CFAP47: variants seen among roughly 807,000 people sequenced by gnomAD.
CFAP47 encodes cilia and flagella associated protein 47, also known as cilia- and flagella-associated protein 47.
In CFAP47, 29 loss-of-function variants were observed where a neutral mutation model predicts 148.1. The observed-to-expected ratio is 0.20, with a 90% CI of 0.15 to 0.27. CFAP47 has a LOEUF of 0.27. Ranked by LOEUF, CFAP47 falls within the 10% of genes least tolerant of loss-of-function variation. The pLI is 1.00. For missense variants in CFAP47, 1,872 were observed against 1,697.5 expected, an observed-to-expected ratio of 1.10 and a Z score of -1.81; for synonymous variants, 664 against 577.3, an observed-to-expected ratio of 1.15 and a Z score of -2.15.
At chrX:36,269,207 A>G (rs988956104) in intron 49 of CFAP47, among the ~76,000 whole-genome samples, 4 of 112,259 alleles carry the variant, frequency 3.6e-5, no homozygotes, top group African/African-American at 1.3e-4. Context: ...GTTACACTAA[A>G]GTGAAAGAAA....
intron 29 of CFAP47, among the ~76,000 whole-genome samples, chrX:36,075,515 T>C (rs1447382024): frequency 8.9e-6 from 1 of 112,246 alleles, no homozygotes; most frequent in Non-Finnish European, 1.9e-5. Flanking sequence ...CATGAGCCAC[T>C]GCGCCCAGCC....
intron 45 of CFAP47, among the ~76,000 whole-genome samples, chrX:36,210,437 G>T (rs1415907006): frequency 8.9e-6 from 1 of 111,931 alleles, no homozygotes; most frequent in African/African-American, 3.2e-5. Context: ...GTTTTCATTG[G>T]CATTTTCCTG....
chrX:36,101,192 G>A (rs1173915367), intron 32 of CFAP47, among the ~76,000 whole-genome samples: 1 of 112,174 alleles, frequency 8.9e-6, no homozygotes, highest in African/African-American at 3.2e-5. Context: ...GGCCTACTCT[G>A]CTTCACCAGA....
intron 32 of CFAP47, among the ~76,000 whole-genome samples, chrX:36,101,174 T>C (rs1938369939): frequency 8.9e-6 from 1 of 112,157 alleles, no homozygotes; most frequent in African/African-American, 3.2e-5. Flanking sequence ...GCACTGTTAG[T>C]CATATAGGGC....
intron 48 of CFAP47, among the ~76,000 whole-genome samples, chrX:36,248,496 T>TCACACACACACACACACACACA (rs60595897): frequency 2.1e-5 from 2 of 95,475 alleles, no homozygotes; most frequent in African/African-American, 7.8e-5. Flanking sequence ...ACATATTATA[T>TCACACACACACACACACACACA]CACACACACA....
intron 48 of CFAP47, among the ~76,000 whole-genome samples, chrX:36,238,022 A>AT (rs1402381103): frequency 1.8e-5 from 2 of 110,577 alleles, no homozygotes; most frequent in East Asian, 5.7e-4. Context: ...TCCTTTGCCC[A>AT]TTTTTTTATA....
At chrX:36,246,548 G>A (rs782693463) in intron 48 of CFAP47, among the ~76,000 whole-genome samples, 18 of 111,567 alleles carry the variant, frequency 1.6e-4, no homozygotes, top group African/African-American at 5.9e-4. Flanking sequence ...AATGCCAGAT[G>A]CTTGTAAAAC....
Position 35,966,766 on chromosome X carries a change from T to C in CFAP47, c.1600+12T>C. On this transcript the variant is annotated intron_variant, in intron 9 of 63. Transcript: ENST00000378653. ...GAAATTTGATCCTGGTATGCTATTG[T>C]GTAGTGCCCACCTGGCTTTGTTGTT... is the stretch of plus-strand genomic sequence containing the variant. The C allele has an allele frequency of 9.5e-7, 1 of 1,053,122 alleles. No individual in the cohort carries two copies. Among genetic ancestry groups the C allele is most frequent in the Non-Finnish European group, 1.2e-6 (1 of 800,565 alleles). The allele number at this position is 1,053,122 out of a possible 1,213,427, so 86.8% of individuals were successfully genotyped here.
rs188979225 is a variant in CFAP47 at position 36,275,400 on chromosome X, A to G, written c.7445-5087A>G. On this transcript the variant is annotated intron_variant, in intron 49 of 63. Transcript: ENST00000378653. ...GAATTTTGTCAAAAGTTTTCTATGC[A>G]TTAAGTGAGATCGTCGTGTGTGTGT... 6.6e-4 allele frequency among the ~76,000 whole-genome samples: 68 copies of G among 103,754 alleles called. 1 individual carries two copies. The highest frequency in any genetic ancestry group is 2.0e-3 in the Admixed American group (19 of 9,642). The allele number at this position is 103,754 out of a possible 115,157, so 90.1% of individuals were successfully genotyped here.
chrX:35,983,218 T>A (rs1282785778), intron 15 of CFAP47, among the ~76,000 whole-genome samples: 2 of 111,673 alleles, frequency 1.8e-5, no homozygotes, highest in African/African-American at 6.5e-5. Context: ...CTATTGTGAT[T>A]GGGATCACGT....
intron 48 of CFAP47, among the ~76,000 whole-genome samples, chrX:36,241,268 T>C (rs993081073): frequency 3.6e-5 from 4 of 111,965 alleles, no homozygotes; most frequent in Non-Finnish European, 7.5e-5. Flanking sequence ...TCAGCTAACA[T>C]GGAGCCAGGG....
Position 36,310,921 on chromosome X carries a change from A to G in CFAP47, c.8276A>G (p.Gln2759Arg), listed in dbSNP as rs888326544. 11 of 1,143,714 alleles carry G rather than the reference A, an allele frequency of 9.6e-6. No individual in the cohort carries two copies. In the African/African-American group the frequency reaches 1.8e-4, roughly 19 times the overall value. 94.3% of individuals were successfully genotyped at this position (1,143,714 alleles called of 1,213,427 possible). A position where few individuals can be genotyped will look rare whatever the true frequency, so the allele number is the denominator to read the frequency against. The change falls in exon 56 of 64, where the codon CAG (glutamine) becomes CGG (arginine). Residue 2759 changes from glutamine to arginine, a missense_variant. Gln to Arg is a conservative substitution (Grantham distance 43, BLOSUM62 1). Transcript: ENST00000378653. ...TERITTRIGLQSTIVIPFKNP... is the reference protein window; with the variant it reads ...TERITTRIGLRSTIVIPFKNP... ...AGAATAACCACACGCATTGGTCTTCAGTCAACTATTGTTATACCTTTCAAA... is the reference window on the plus strand; with the variant it reads ...AGAATAACCACACGCATTGGTCTTCGGTCAACTATTGTTATACCTTTCAAA...
intron 40 of CFAP47, among the ~76,000 whole-genome samples, chrX:36,184,050 C>T (rs1462323666): frequency 9.1e-6 from 1 of 110,288 alleles, no homozygotes; most frequent in African/African-American, 3.3e-5. Context: ...AATCATCAAG[C>T]AGAAAACAAA....
At chrX:36,316,779 C>A (rs1042661192) in intron 56 of CFAP47, among the ~76,000 whole-genome samples, 1 of 111,861 alleles carries the variant, frequency 8.9e-6, no homozygotes, top group Admixed American at 9.5e-5. Context: ...CAACCTGTAA[C>A]AGGAACAGGG....
intron 39 of CFAP47, among the ~76,000 whole-genome samples, chrX:36,172,468 G>A (rs779960752): frequency 0.056 from 6,015 of 107,320 alleles, 508 homozygotes; most frequent in African/African-American, 0.2. Flanking sequence ...TTTGAGATAC[G>A]TCCCATCAAT....
intron 37 of CFAP47, among the ~76,000 whole-genome samples, chrX:36,153,783 G>A (rs1402742196): frequency 8.9e-6 from 1 of 111,960 alleles, no homozygotes. Flanking sequence ...GCCACACCTG[G>A]GTCTGCTGAA....
chrX:36,309,616 T>C (rs1011635949), intron 55 of CFAP47, among the ~76,000 whole-genome samples: 7 of 111,187 alleles, frequency 6.3e-5, no homozygotes, highest in Non-Finnish European at 1.3e-4. Flanking sequence ...TGGTTTAACA[T>C]AGAAACTCCA....
At chrX:36,027,150 A>ATG (rs1937228635) in intron 22 of CFAP47, among the ~76,000 whole-genome samples, 1 of 98,794 alleles carries the variant, frequency 1.0e-5, no homozygotes, top group Non-Finnish European at 2.0e-5. Flanking sequence ...GATTATATAT[A>ATG]TGATTATATA....
At chrX:35,920,145 C>T (rs1022560629) in intron 1 of CFAP47, 97 bp downstream of exon 1, 3 of 963,395 alleles carry the variant, frequency 3.1e-6, no homozygotes, top group African/African-American at 1.9e-5. Context: ...TGGCTCCTGC[C>T]GGGATGGAGG....
Sources: gnomAD v4.1 joint callset for allele counts (sites outside exome capture counted in the v4.1 genomes callset) on GRCh38, gnomAD v4.1.1 for gene constraint, MANE v1.5 for transcripts, NCBI Gene and HGNC (gene_info 2026-07-23, HGNC 2026-07-21) for gene names.